Variants in SIPA1L1 observed in about 807,000 individuals in gnomAD.
SIPA1L1 encodes signal induced proliferation associated 1 like 1.
Under a neutral mutation model 162.7 loss-of-function variants are expected in SIPA1L1, and 26 were observed. The ratio of observed to expected loss-of-function variants is 0.16; its 90% CI spans 0.12 to 0.22. The LOEUF is 0.22. SIPA1L1 is among the 10% of genes least tolerant of loss of function. The pLI is 1.00. For missense variants in SIPA1L1, 1,874 were observed against 2,241.0 expected, an observed-to-expected ratio of 0.84 and a Z score of 3.31; for synonymous variants, 829 against 837.4, an observed-to-expected ratio of 0.99 and a Z score of 0.17.
At chr14:71,542,250 CT>C (rs2054452996) in intron 4 of SIPA1L1, among the ~76,000 whole-genome samples, 1 of 151,408 alleles carries the variant, frequency 6.6e-6, no homozygotes, top group Non-Finnish European at 1.5e-5. Flanking sequence ...GCTCCTCCTC[CT>C]CCTCCTCTTC....
At chr14:71,736,189 A>G (rs1597315883) in intron 22 of SIPA1L1, among the ~76,000 whole-genome samples, 1 of 152,298 alleles carries the variant, frequency 6.6e-6, no homozygotes, top group South Asian at 2.1e-4. Context: ...TGAGCTCAGG[A>G]GTTTGAAACC....
intron 2 of SIPA1L1, among the ~76,000 whole-genome samples, chr14:71,417,806 C>T (rs1295758387): frequency 6.6e-6 from 1 of 152,112 alleles, no homozygotes; most frequent in African/African-American, 2.4e-5. Context: ...AACTATAATA[C>T]AGTATAAAAA....
rs146721892 is a variant in SIPA1L1 at position 71,487,761 on chromosome 14, C to T, written c.-464-24982C>T. ...CTTTGTTTTATTGAATGAGCTGGAC[C>T]TCATGCAGATACCAGGGCATAATTG... On this transcript the variant is annotated intron_variant, in intron 2 of 23. Coordinates refer to ENST00000381232, the MANE Select transcript of SIPA1L1 (RefSeq NM_001386936.1). 5.8e-4 allele frequency among the ~76,000 whole-genome samples: 88 copies of T among 152,232 alleles called. 2 individuals are homozygous for T. In the East Asian group the frequency reaches 0.016, roughly 28 times the overall value.
intron 5 of SIPA1L1, among the ~76,000 whole-genome samples, chr14:71,604,577 T>A (rs2037255064): frequency 6.6e-6 from 1 of 152,200 alleles, no homozygotes; most frequent in South Asian, 2.1e-4. Context: ...TAAAAAAAGA[T>A]GAGTTATCTC....
At position 71,417,498 on chromosome 14, in the gene SIPA1L1, A is replaced by AAAAAC. The variant is rs2042881114; in HGVS notation, c.-464-95241_-464-95240insCAAAA. On this transcript the variant is annotated intron_variant, in intron 2 of 23. Transcript: ENST00000381232. ...AAAAAAAAAAAAAAAAAAAAAAAAAAAAAAAGAAAATCCTAAAGAAGAGAA... is the reference window on the plus strand; with the variant it reads ...AAAAAAAAAAAAAAAAAAAAAAAAAAAAAACAAAAAGAAAATCCTAAAGAAGAGAA... 2.2e-4 allele frequency among the ~76,000 whole-genome samples: 32 copies of AAAAAC among 146,590 alleles called. 1 individual carries two copies. The highest frequency in any genetic ancestry group is 4.1e-4 in the Non-Finnish European group (27 of 65,962).
chr14:71,519,157 G>T (rs778429625), intron 3 of SIPA1L1, among the ~76,000 whole-genome samples: 7 of 151,920 alleles, frequency 4.6e-5, no homozygotes, highest in African/African-American at 1.7e-4. Flanking sequence ...TTACCCGGTC[G>T]TGGTGGCATG....
In SIPA1L1 at chr14:71,567,426, T is replaced by C. The variant is rs888745114; in HGVS notation, c.-302-20145T>C. Among the ~76,000 whole-genome samples the C allele has an allele frequency of 3.8e-4, 58 of 152,336 alleles. 1 individual carries two copies. The East Asian group carries it at 0.011, about 28-fold the overall frequency. On this transcript the variant is annotated intron_variant, in intron 4 of 23. Transcript: ENST00000381232. ...CCGTTTATAAAGGATCTATAACTTT[T>C]TGTAGCAACGTGGAGAAATCTTGAT...
chr14:71,589,114 T>A lies in SIPA1L1; in HGVS notation c.1242T>A (p.Cys414Ter), dbSNP rs2034943721. The A allele has an allele frequency of 6.2e-7, 1 of 1,613,998 alleles. No homozygotes were observed. The highest frequency in any genetic ancestry group is 8.5e-7 in the Non-Finnish European group (1 of 1,179,994). The stretch of plus-strand genomic sequence containing the variant: ...AAAGCAATGAGCTTGTAATGAGCTG[T>A]CCATATTTTCGGAATGAGATAGGTG... ...DDKSNELVMS[C>*]PYFRNEIGGE... is the part of the protein sequence containing the mutation. Residue 414 changes from cysteine (C) to a stop codon, truncating the protein, a stop_gained, in exon 5 of 24, where the codon TGT (cysteine) becomes TGA (stop). Transcript: ENST00000381232. LOFTEE classifies it high-confidence loss of function.
At chr14:71,448,138 C>T (rs1277274830) in intron 2 of SIPA1L1, among the ~76,000 whole-genome samples, 1 of 152,150 alleles carries the variant, frequency 6.6e-6, no homozygotes, top group East Asian at 1.9e-4. Context: ...GTCTAATGCC[C>T]CTTGGCTATT....
At chr14:71,419,609 T>C (rs571860124) in intron 2 of SIPA1L1, among the ~76,000 whole-genome samples, 15 of 149,862 alleles carry the variant, frequency 1.0e-4, no homozygotes, top group Non-Finnish European at 2.2e-4. Flanking sequence ...GCCATTCTCC[T>C]GCCTCAGCCT....
chr14:71,323,145 T>C (rs12891975), intron 2 of SIPA1L1, among the ~76,000 whole-genome samples: 33,970 of 152,094 alleles, frequency 0.22, 3,954 homozygotes, highest in Middle Eastern at 0.37. Flanking sequence ...AGTGCCCCCA[T>C]CTTCATTGTT....
In SIPA1L1 at chr14:71,624,215, C is replaced by T; in HGVS notation, c.1797C>T (p.Leu599=). Residue 599 remains leucine (L), a synonymous_variant, in exon 7 of 24, where the codon CTC becomes CTT. Coordinates refer to ENST00000381232, the MANE Select transcript of SIPA1L1 (RefSeq NM_001386936.1). ...AFNTPKVTEQ[L]MKLDEQGLNY... ...ACACACCCAAGGTCACAGAGCAGCT[C>T]ATGAAACTGGATGAACAAGGGGTGA... is the stretch of plus-strand genomic sequence containing the variant. 6.2e-7 allele frequency: 1 copy of T among 1,612,208 alleles called. No individual in the cohort carries two copies. The highest frequency in any genetic ancestry group is 1.1e-5 in the South Asian group (1 of 90,900).
intron 5 of SIPA1L1, among the ~76,000 whole-genome samples, chr14:71,618,515 G>A (rs773834941): frequency 1.4e-4 from 21 of 152,188 alleles, no homozygotes; most frequent in African/African-American, 5.1e-4. Context: ...TAGTAGAGTA[G>A]TAATCTGTAG....
intron 4 of SIPA1L1, among the ~76,000 whole-genome samples, chr14:71,564,541 A>G (rs1370444260): frequency 3.1e-5 from 4 of 130,714 alleles, no homozygotes; most frequent in African/African-American, 9.0e-5. Flanking sequence ...GCTGGAGTGC[A>G]GTGGCACGAT....
At chr14:71,674,490 G>T (rs191418109) in intron 12 of SIPA1L1, among the ~76,000 whole-genome samples, 1 of 152,056 alleles carries the variant, frequency 6.6e-6, no homozygotes, top group East Asian at 1.9e-4. Flanking sequence ...CTTTTTTATG[G>T]GTTAGTGCAT....
chr14:71,448,371 G>A (rs2045571179), intron 2 of SIPA1L1, among the ~76,000 whole-genome samples: 2 of 152,130 alleles, frequency 1.3e-5, no homozygotes, highest in South Asian at 4.1e-4. Flanking sequence ...GTCCTATGGA[G>A]TAGGTATTAT....
chr14:71,720,571 A>G (rs1242666212), intron 17 of SIPA1L1, among the ~76,000 whole-genome samples: 1 of 152,010 alleles, frequency 6.6e-6, no homozygotes, highest in East Asian at 1.9e-4. Context: ...AAAAAAAAAG[A>G]AAAACAAATT....
Position 71,349,740 on chromosome 14 carries a change from G to A in SIPA1L1, c.-465+28559G>A, listed in dbSNP as rs200571438. ...GTGGGTTCCTGGTACTCCTGCTGCCGGAGGAACAAAGGTGAATGTCAAGTT... is the reference window on the plus strand; with the variant it reads ...GTGGGTTCCTGGTACTCCTGCTGCCAGAGGAACAAAGGTGAATGTCAAGTT... On this transcript the variant is annotated intron_variant, in intron 2 of 23. Coordinates refer to ENST00000381232, the MANE Select transcript of SIPA1L1 (RefSeq NM_001386936.1). 2.4e-4 allele frequency among the ~76,000 whole-genome samples: 37 copies of A among 152,282 alleles called. 1 individual carries two copies. The East Asian group carries it at 4.6e-3, about 19-fold the overall frequency.
At chr14:71,694,526 A>G (rs2081484753) in intron 13 of SIPA1L1, among the ~76,000 whole-genome samples, 1 of 152,152 alleles carries the variant, frequency 6.6e-6, no homozygotes, top group South Asian at 2.1e-4. Context: ...ATTTCAGCAG[A>G]AGGAAGCCCC....
Sources: gnomAD v4.1 joint callset for allele counts (sites outside exome capture counted in the v4.1 genomes callset) on GRCh38, gnomAD v4.1.1 for gene constraint, MANE v1.5 for transcripts, NCBI Gene and HGNC (gene_info 2026-07-23, HGNC 2026-07-21) for gene names.